The following PTPRD variants were observed in gnomAD, a reference collection of about 807,000 sequenced individuals.
PTPRD encodes receptor-type tyrosine-protein phosphatase delta.
PTPRD carries 34 observed loss-of-function variants against 214.5 expected under a neutral mutation model. The observed-to-expected ratio is 0.16, with a 90% confidence interval of 0.12 to 0.21. The LOEUF is 0.21. Ranked by LOEUF, PTPRD falls within the 10% of genes least tolerant of loss-of-function variation. PTPRD has a pLI of 1.00. For missense variants in PTPRD, 2,545 were observed against 2,398.7 expected (o/e 1.06, Z -1.27); for synonymous variants, 1,128 against 845.7 (o/e 1.33, Z -5.79).
intron 3 of PTPRD, among the ~76,000 whole-genome samples, chr9:10,297,280 TA>T (rs1565119222): frequency 6.6e-6 from 1 of 151,894 alleles, no homozygotes; most frequent in African/African-American, 2.4e-5. Context: ...TCTATAACAT[TA>T]TTTTTTTAAG....
intron 8 of PTPRD, among the ~76,000 whole-genome samples, chr9:9,466,308 C>G (rs10816133): frequency 0.66 from 100,129 of 151,918 alleles, 32,991 homozygotes; most frequent in Middle Eastern, 0.79. Context: ...CACCCTGTCT[C>G]TAAATAAGTA....
chr9:9,355,750 GA>G (rs1331057087), intron 9 of PTPRD, among the ~76,000 whole-genome samples: 1 of 151,490 alleles, frequency 6.6e-6, no homozygotes, highest in African/African-American at 2.4e-5. Context: ...AAACACAAGG[GA>G]GAGAATCAAG....
intron 11 of PTPRD, among the ~76,000 whole-genome samples, chr9:8,762,987 T>C (rs1022518939): frequency 1.3e-5 from 2 of 152,110 alleles, no homozygotes; most frequent in African/African-American, 4.8e-5. Flanking sequence ...CTTCAGGCTA[T>C]CCAATGAGTC....
At chr9:9,705,945 G>A (rs1181345811) in intron 7 of PTPRD, among the ~76,000 whole-genome samples, 1 of 152,056 alleles carries the variant, frequency 6.6e-6, no homozygotes, top group Non-Finnish European at 1.5e-5. Context: ...TGCAATAGAC[G>A]ATGGTCTACA....
intron 2 of PTPRD, among the ~76,000 whole-genome samples, chr9:10,405,961 G>A (rs1215864883): frequency 6.6e-6 from 1 of 151,298 alleles, no homozygotes; most frequent in Non-Finnish European, 1.5e-5. Context: ...CTATATCAAT[G>A]TATATTATTA....
intron 11 of PTPRD, among the ~76,000 whole-genome samples, chr9:8,942,393 C>T (rs747381631): frequency 4.6e-5 from 7 of 152,104 alleles, no homozygotes; most frequent in African/African-American, 7.2e-5. Context: ...TGTTTCACCT[C>T]GTAGTTGACA....
intron 4 of PTPRD, among the ~76,000 whole-genome samples, chr9:10,030,564 A>G (rs2097040534): frequency 6.6e-6 from 1 of 152,086 alleles, no homozygotes; most frequent in African/African-American, 2.4e-5. Context: ...GAGTGACTAG[A>G]CTAATGTTAA....
chr9:10,579,897 T>C (rs923240110), intron 2 of PTPRD, among the ~76,000 whole-genome samples: 9 of 152,204 alleles, frequency 5.9e-5, no homozygotes, highest in Non-Finnish European at 1.3e-4. Context: ...GCCACTTGAA[T>C]GCCTTTCTTT....
chr9:10,135,462 A>G (rs906195294), intron 3 of PTPRD, among the ~76,000 whole-genome samples: 1 of 152,132 alleles, frequency 6.6e-6, no homozygotes, highest in African/African-American at 2.4e-5. Flanking sequence ...AGAAAAAAAT[A>G]TTAAAGACAG....
rs752677458 is a variant in PTPRD at position 8,697,417 on chromosome 9, C to CTTT, written c.64+36360_64+36362dup. Among the ~76,000 whole-genome samples the CTTT allele has an allele frequency of 6.7e-3, 426 of 63,232 alleles. 17 individuals carry two copies. Among genetic ancestry groups the CTTT allele is most frequent in the Middle Eastern group, 0.017 (1 of 60 alleles). 41.5% of individuals were successfully genotyped at this position (63,232 alleles called of 152,430 possible). ...TTTATTATTTATTTATTTTTATGTA[C>CTTT]TTTTTTTTTTTTTTTTTTTTTTTGA... On this transcript the variant is annotated intron_variant, in intron 12 of 45. Coordinates refer to ENST00000381196, the MANE Select transcript of PTPRD (RefSeq NM_002839.4).
chr9:9,894,352 A>C (rs2050467324), intron 5 of PTPRD, among the ~76,000 whole-genome samples: 2 of 152,086 alleles, frequency 1.3e-5, no homozygotes, highest in South Asian at 4.1e-4. Flanking sequence ...TCTTTAAAGG[A>C]TCCTGAAGGC....
At chr9:10,019,825 G>A (rs928437063) in intron 4 of PTPRD, among the ~76,000 whole-genome samples, 1 of 152,076 alleles carries the variant, frequency 6.6e-6, no homozygotes, top group African/African-American at 2.4e-5. Context: ...TATACCTAAT[G>A]TTAAATGACG....
chr9:9,376,582 T>G (rs2060863859), intron 9 of PTPRD, among the ~76,000 whole-genome samples: 1 of 152,108 alleles, frequency 6.6e-6, no homozygotes, highest in South Asian at 2.1e-4. Flanking sequence ...TGACATTTAA[T>G]AAAGTGAAAC....
chr9:8,825,124 C>A (rs2082631), intron 11 of PTPRD, among the ~76,000 whole-genome samples: 2 of 152,092 alleles, frequency 1.3e-5, no homozygotes, highest in East Asian at 1.9e-4. Context: ...GGGTAAATTT[C>A]TTTCTTTTTG....
In PTPRD at chr9:9,955,714, A is replaced by G. The variant is rs187492988; in HGVS notation, c.-471-17104T>C. On this transcript the variant is annotated intron_variant, in intron 4 of 45. Transcript: ENST00000381196. ...AATTTTTTGTATTTTTAGTAGAGACAGGGTTTCACCGTGTTAGCCAGGATG... is the reference window on the plus strand; with the variant it reads ...AATTTTTTGTATTTTTAGTAGAGACGGGGTTTCACCGTGTTAGCCAGGATG... 8.6e-3 allele frequency among the ~76,000 whole-genome samples: 1,313 copies of G among 152,074 alleles called. 15 individuals carry two copies. Among genetic ancestry groups the G allele is most frequent in the African/African-American group, 0.029 (1,194 of 41,484 alleles).
At chr9:10,168,964 A>G (rs1311701566) in intron 3 of PTPRD, among the ~76,000 whole-genome samples, 1 of 152,146 alleles carries the variant, frequency 6.6e-6, no homozygotes, top group African/African-American at 2.4e-5. Flanking sequence ...GGAGGAGCCA[A>G]TCCACCTGTC....
At chr9:10,585,921 G>A (rs1172359282) in intron 2 of PTPRD, among the ~76,000 whole-genome samples, 2 of 152,024 alleles carry the variant, frequency 1.3e-5, no homozygotes, top group African/African-American at 4.8e-5. Flanking sequence ...ATTCCACTCA[G>A]TGATATAACT....
intron 8 of PTPRD, among the ~76,000 whole-genome samples, chr9:9,525,578 G>A (rs924827026): frequency 6.6e-6 from 1 of 151,864 alleles, no homozygotes; most frequent in African/African-American, 2.4e-5. Flanking sequence ...CAACTTATGG[G>A]GAAGTTAATG....
At chr9:9,161,159 T>C (rs895285691) in intron 10 of PTPRD, among the ~76,000 whole-genome samples, 1 of 152,124 alleles carries the variant, frequency 6.6e-6, no homozygotes. Context: ...TCAATCATGA[T>C]GTATTGTATA....
Sources: gnomAD v4.1 joint callset for allele counts (sites outside exome capture counted in the v4.1 genomes callset) on GRCh38, gnomAD v4.1.1 for gene constraint, MANE v1.5 for transcripts, NCBI Gene and HGNC (gene_info 2026-07-23, HGNC 2026-07-21) for gene names.